Variants in TTC28 observed in about 807,000 individuals in gnomAD.
TTC28 encodes the protein tetratricopeptide repeat domain 28.
Under a neutral mutation model 198.0 loss-of-function variants are expected in TTC28, and 61 were observed. That is an observed-to-expected ratio of 0.31 (90% CI 0.25 to 0.38). The LOEUF (loss-of-function observed/expected upper bound fraction) is 0.38. Among genes scored for constraint, TTC28 ranks in the 10% least tolerant of loss-of-function variants. The pLI is 1.00. For missense variants in TTC28, 2,678 were observed against 3,164.0 expected, an observed-to-expected ratio of 0.85 and a Z score of 3.69; for synonymous variants, 1,171 against 1,297.8, an observed-to-expected ratio of 0.90 and a Z score of 2.10.
Position 27,983,413 on chromosome 22 carries a change from G to A in TTC28, c.6254C>T (p.Pro2085Leu). ...CATGCCTCCGGCTGTCCCAGGTTGG[G>A]GTTGTTTGTGGTCTGGTGAGAAGCA... is the stretch of plus-strand genomic sequence containing the variant. The part of the protein sequence containing the change: ...NTCFSPDHKQ[P>L]QPGTAGGMRV... The change falls in exon 23 of 23, where the codon CCC becomes CTC. Residue 2085 changes from proline (P) to leucine (L), a missense_variant. Transcript: ENST00000397906. The A allele has an allele frequency of 1.3e-6, 2 of 1,551,210 alleles. No individual in the cohort carries two copies. Among genetic ancestry groups the A allele is most frequent in the East Asian group, 2.4e-5 (1 of 40,904 alleles).
At chr22:28,016,380 G>A (rs5752687) in intron 13 of TTC28, among the ~76,000 whole-genome samples, 6,759 of 152,290 alleles carry the variant, frequency 0.044, 239 homozygotes, top group South Asian at 0.14. Flanking sequence ...CATGACGCGC[G>A]GTGTCTGTCA....
intron 1 of TTC28, among the ~76,000 whole-genome samples, chr22:28,677,302 A>G (rs1379506809): frequency 2.6e-5 from 4 of 151,798 alleles, no homozygotes; most frequent in African/African-American, 7.3e-5. Flanking sequence ...TTTTCAAACA[A>G]TTCTATTTTA....
chr22:28,136,204 G>T (rs145128108), intron 6 of TTC28, among the ~76,000 whole-genome samples: 2 of 152,238 alleles, frequency 1.3e-5, no homozygotes, highest in African/African-American at 2.4e-5. Context: ...GAGTTCAGTG[G>T]TGTGATCATA....
intron 2 of TTC28, among the ~76,000 whole-genome samples, chr22:28,322,707 C>T (rs1356268921): frequency 6.6e-6 from 1 of 152,182 alleles, no homozygotes; most frequent in Non-Finnish European, 1.5e-5. Context: ...GCTAATATAA[C>T]AAATGATCAC....
chr22:28,552,970 G>C (rs1012884755), intron 2 of TTC28, among the ~76,000 whole-genome samples: 1 of 152,038 alleles, frequency 6.6e-6, no homozygotes, highest in South Asian at 2.1e-4. Context: ...TATTTTTTTG[G>C]TGGAGACGGG....
At chr22:28,669,341 G>A (rs1450245374) in intron 1 of TTC28, among the ~76,000 whole-genome samples, 1 of 151,784 alleles carries the variant, frequency 6.6e-6, no homozygotes, top group Non-Finnish European at 1.5e-5. Context: ...TTCACATGGG[G>A]CCACATGTCT....
chr22:28,177,382 T>C (rs1314162620), intron 5 of TTC28, among the ~76,000 whole-genome samples: 3 of 152,084 alleles, frequency 2.0e-5, no homozygotes, highest in East Asian at 1.9e-4. Context: ...CATGGAACAA[T>C]AGAAACTCTC....
At chr22:28,421,393 T>C (rs1601375170) in intron 2 of TTC28, among the ~76,000 whole-genome samples, 1 of 152,216 alleles carries the variant, frequency 6.6e-6, no homozygotes, top group Non-Finnish European at 1.5e-5. Context: ...TCCATTTATA[T>C]GGTAATTAAT....
chr22:28,299,730 T>C (rs1022403008), intron 3 of TTC28, among the ~76,000 whole-genome samples: 6 of 152,332 alleles, frequency 3.9e-5, no homozygotes, highest in Non-Finnish European at 7.4e-5. Flanking sequence ...TTTTAAAATA[T>C]GCTCTCTTAG....
chr22:28,379,352 AAT>A (rs1237370584), intron 2 of TTC28, among the ~76,000 whole-genome samples: 1 of 152,194 alleles, frequency 6.6e-6, no homozygotes, highest in Non-Finnish European at 1.5e-5. Context: ...CCTTATTCAC[AAT>A]AACCAAAGGG....
chr22:28,027,495 A>G (rs1446392498), intron 13 of TTC28, among the ~76,000 whole-genome samples: 1 of 152,222 alleles, frequency 6.6e-6, no homozygotes, highest in Non-Finnish European at 1.5e-5. Flanking sequence ...CAGAGGCCTC[A>G]TTGCCAAATC....
chr22:28,564,750 G>A (rs908970609), intron 2 of TTC28, among the ~76,000 whole-genome samples: 3 of 150,326 alleles, frequency 2.0e-5, no homozygotes, highest in East Asian at 1.9e-4. Flanking sequence ...CTCTCCCCAC[G>A]TTACACAACC....
intron 2 of TTC28, among the ~76,000 whole-genome samples, chr22:28,319,291 C>T (rs1035412077): frequency 2.6e-5 from 4 of 152,136 alleles, no homozygotes; most frequent in African/African-American, 7.2e-5. Context: ...TACTCACTAG[C>T]AATTGAAGCA....
At chr22:28,263,419 G>A (rs986887807) in intron 5 of TTC28, among the ~76,000 whole-genome samples, 2 of 152,036 alleles carry the variant, frequency 1.3e-5, no homozygotes, top group African/African-American at 4.8e-5. Flanking sequence ...AACATCTCAT[G>A]CCAGTGACAC....
At chr22:28,240,007 A>G (rs1929553499) in intron 5 of TTC28, among the ~76,000 whole-genome samples, 1 of 152,218 alleles carries the variant, frequency 6.6e-6, no homozygotes, top group African/African-American at 2.4e-5. Flanking sequence ...GCATTGTAGG[A>G]TGCTTAGCAG....
At chr22:28,147,732 C>T (rs1470923506) in intron 6 of TTC28, among the ~76,000 whole-genome samples, 1 of 152,202 alleles carries the variant, frequency 6.6e-6, no homozygotes, top group East Asian at 1.9e-4. Flanking sequence ...CAATGAATCG[C>T]TGCATAAGAA....
intron 2 of TTC28, among the ~76,000 whole-genome samples, chr22:28,434,495 C>A (rs1323546753): frequency 6.6e-6 from 1 of 152,128 alleles, no homozygotes; most frequent in African/African-American, 2.4e-5. Flanking sequence ...ACCAGCCTAA[C>A]CAACAAGGTG....
chr22:28,200,561 G>C (rs1925835378), intron 5 of TTC28, among the ~76,000 whole-genome samples: 1 of 152,124 alleles, frequency 6.6e-6, no homozygotes, highest in Non-Finnish European at 1.5e-5. Context: ...CCTAGCTACA[G>C]AGATCAACCA....
intron 14 of TTC28, among the ~76,000 whole-genome samples, chr22:28,009,134 G>C (rs183971930): frequency 1.3e-5 from 2 of 152,304 alleles, no homozygotes; most frequent in African/African-American, 2.4e-5. Context: ...CCTCCTCAAA[G>C]ATAAGCGGAC....
Sources: gnomAD v4.1 joint callset for allele counts (sites outside exome capture counted in the v4.1 genomes callset) on GRCh38, gnomAD v4.1.1 for gene constraint, MANE v1.5 for transcripts, NCBI Gene and HGNC (gene_info 2026-07-23, HGNC 2026-07-21) for gene names.